The following PATL1 variants were observed in gnomAD, a reference collection of about 807,000 sequenced individuals.
PATL1 encodes the protein protein PAT1 homolog 1.
In PATL1, 32 loss-of-function variants were observed where a neutral mutation model predicts 100.6. That is an observed-to-expected ratio of 0.32 (90% CI 0.24 to 0.43). PATL1 has a LOEUF of 0.43. Among genes scored for constraint, PATL1 ranks in the 20% least tolerant of loss-of-function variants. PATL1 has a pLI of 1.00. For missense variants in PATL1, 747 were observed against 949.9 expected (o/e 0.79, Z 2.81); for synonymous variants, 332 against 330.0 (o/e 1.01, Z -0.07).
chr11:59,650,661 TTGAC>T (rs1861430173), intron 13 of PATL1, 89 bp downstream of exon 13: 3 of 853,122 alleles, frequency 3.5e-6, no homozygotes, highest in African/African-American at 1.7e-5. Flanking sequence ...CCAAAGAACA[TTGAC>T]TGATTGCTCA....
chr11:59,667,219 T>C (rs1296120675), intron 1 of PATL1: 1 of 470,216 alleles, frequency 2.1e-6, no homozygotes, highest in Admixed American at 6.4e-5. Context: ...TTCTCTATTT[T>C]ATCAAGAATC....
At chr11:59,662,552 TG>T (rs1861640354) in intron 2 of PATL1, among the ~76,000 whole-genome samples, 1 of 152,176 alleles carries the variant, frequency 6.6e-6, no homozygotes, top group Non-Finnish European at 1.5e-5. Flanking sequence ...TAAAGAATAA[TG>T]TAATTAAAAA....
intron 4 of PATL1, 62 bp from the exon 5 acceptor site, chr11:59,657,786 C>T: frequency 8.0e-7 from 1 of 1,256,928 alleles, no homozygotes; most frequent in Non-Finnish European, 1.1e-6. Context: ...TTAGTAATCT[C>T]TACAGATGCC....
In PATL1 at chr11:59,637,226, T is replaced by A. The variant is rs1861206171; in HGVS notation, c.*1164A>T. 6.6e-6 allele frequency: 1 copy of A among 152,242 alleles called. No individual in the cohort carries two copies. The allele number at this position is 152,242 out of a possible 1,614,324, so 9.4% of individuals were successfully genotyped here. A position where few individuals can be genotyped will look rare whatever the true frequency, so the allele number is the denominator to read the frequency against. On this transcript the variant is annotated 3_prime_UTR_variant, in exon 19 of 19. Coordinates refer to ENST00000300146, the MANE Select transcript of PATL1 (RefSeq NM_152716.3). Reference sequence around the variant, plus strand: ...CTCCTTAGTCTGGTTGATTGCTGAATGGGAGAGGAGTAAGTGAGAAAGATC... The same window carrying A: ...CTCCTTAGTCTGGTTGATTGCTGAAAGGGAGAGGAGTAAGTGAGAAAGATC...
chr11:59,653,066 C>T, intron 9 of PATL1, 48 bp from the exon 10 acceptor site: 4 of 1,457,802 alleles, frequency 2.7e-6, no homozygotes, highest in South Asian at 2.8e-5. Flanking sequence ...ATTAATTACG[C>T]TTTTTAACAA....
chr11:59,656,672 C>T (rs1861540442), intron 5 of PATL1, 72 bp from the exon 6 acceptor site: 2 of 1,310,314 alleles, frequency 1.5e-6, no homozygotes, highest in African/African-American at 1.4e-5. Context: ...TCCCTCCCCT[C>T]AAGTACTGGT....
chr11:59,643,864 C>T (rs771482554), intron 15 of PATL1, among the ~76,000 whole-genome samples: 1 of 152,150 alleles, frequency 6.6e-6, no homozygotes, highest in Non-Finnish European at 1.5e-5. Flanking sequence ...GAACCCAAGG[C>T]TGTTGAATTC....
At chr11:59,653,892 A>C (rs1311164300) in intron 9 of PATL1, 91 bp downstream of exon 9, 1 of 1,206,674 alleles carries the variant, frequency 8.3e-7, no homozygotes, top group East Asian at 2.4e-5. Context: ...AAACTTACTA[A>C]AAAAAACAAA....
chr11:59,651,752 T>C (rs1033214398), intron 11 of PATL1, 111 bp from the exon 12 acceptor site: 2 of 700,266 alleles, frequency 2.9e-6, no homozygotes, highest in African/African-American at 3.6e-5. Flanking sequence ...CATAGTCTAA[T>C]AACTTACTGC....
rs375272798 is a variant in PATL1 at position 59,657,679 on chromosome 11, G to T, written c.472C>A (p.Pro158Thr). ...CGATCATCTTCTGGACCCTGGGGGG[G>T]CCTCTGAGGCAAAGCATATTCTAAT... Reference protein sequence around the residue: ...SVLEYALPQRPPQGPEDDRDL... With the variant: ...SVLEYALPQRTPQGPEDDRDL... Residue 158 changes from proline to threonine, a missense_variant, in exon 5 of 19, where the codon CCC (proline) becomes ACC (threonine). Pro to Thr is a conservative substitution (Grantham distance 38). This residue lies in a region of PATL1 where 183 missense variants were observed against 221.2 expected (regional missense o/e 0.83). Transcript: ENST00000300146. The T allele has an allele frequency of 6.2e-6, 10 of 1,613,534 alleles. No homozygotes were observed. The highest frequency in any genetic ancestry group is 8.5e-6 in the Non-Finnish European group (10 of 1,179,714).
Position 59,659,488 on chromosome 11 carries a change from C to G in PATL1, c.128-19G>C. The G allele has an allele frequency of 6.5e-7, 1 of 1,544,348 alleles. No homozygotes were observed. Among genetic ancestry groups the G allele is most frequent in the Non-Finnish European group, 8.7e-7 (1 of 1,144,858 alleles). On this transcript the variant is annotated intron_variant, in intron 2 of 18. Coordinates refer to ENST00000300146, the MANE Select transcript of PATL1 (RefSeq NM_152716.3). The stretch of plus-strand genomic sequence containing the variant: ...TCATCATCTATAAGATGACACAGTT[C>G]ATGTAAGAAATAGTTCATAGTGGTA...
chr11:59,658,799 G>T, intron 4 of PATL1, 67 bp downstream of exon 4: 1 of 1,227,968 alleles, frequency 8.1e-7, no homozygotes, highest in Non-Finnish European at 1.1e-6. Flanking sequence ...AGTAAGGAAA[G>T]GATGACGACA....
At position 59,656,572 on chromosome 11, in the gene PATL1, C is replaced by T. The variant is rs771386815; in HGVS notation, c.650G>A (p.Arg217Gln). The T allele has an allele frequency of 2.5e-5, 40 of 1,613,708 alleles. No homozygotes were observed. Among genetic ancestry groups the T allele is most frequent in the Admixed American group, 3.3e-5 (2 of 59,970 alleles). Residue 217 changes from arginine to glutamine, a missense_variant, in exon 6 of 19, where the codon CGG becomes CAG. By Grantham distance (43) the Arg-to-Gln change is conservative. Coordinates refer to ENST00000300146, the MANE Select transcript of PATL1 (RefSeq NM_152716.3). ...AGGATAACGAGGTGGCATTGGGGGCCGAACATGGACAGGCTTCGGACACAG... is the reference window on the plus strand; with the variant it reads ...AGGATAACGAGGTGGCATTGGGGGCTGAACATGGACAGGCTTCGGACACAG... Reference protein sequence around the residue: ...QILCPKPVHVRPPMPPRYPAP... With the variant: ...QILCPKPVHVQPPMPPRYPAP...
chr11:59,667,488 T>C (rs1451775759), intron 1 of PATL1, among the ~76,000 whole-genome samples: 3 of 152,206 alleles, frequency 2.0e-5, no homozygotes, highest in Admixed American at 6.5e-5. Context: ...AACAGAAAAT[T>C]AGGTCTTCAA....
At chr11:59,666,246 G>A (rs1275597188) in intron 2 of PATL1, among the ~76,000 whole-genome samples, 3 of 150,194 alleles carry the variant, frequency 2.0e-5, no homozygotes, top group South Asian at 2.1e-4. Context: ...ACTTCATCTC[G>A]AAAAAGAATA....
intron 13 of PATL1, 56 bp downstream of exon 13, chr11:59,650,698 A>C: frequency 7.9e-7 from 1 of 1,264,724 alleles, no homozygotes; most frequent in Non-Finnish European, 1.1e-6. Context: ...TAGTATATAC[A>C]TACATTTGAC....
chr11:59,652,957 G>A lies in PATL1; in HGVS notation c.1183C>T (p.His395Tyr), dbSNP rs1390213708. The A allele has an allele frequency of 1.2e-6, 2 of 1,613,854 alleles. No homozygotes were observed. The highest frequency in any genetic ancestry group is 1.3e-5 in the African/African-American group (1 of 74,922). ...TTGGCATATGGATCCTTTCGGAGAT[G>A]ATCTTGATGACTGCTCCGGTGACTT... ...RGSHRSSHQDHLRKDPYANLM... is the reference protein window; with the variant it reads ...RGSHRSSHQDYLRKDPYANLM... The change falls in exon 10 of 19, where the codon CAT becomes TAT. Residue 395 changes from histidine to tyrosine, a missense_variant. Physicochemically the swap from His to Tyr is moderately conservative, Grantham distance 83. Around this residue, in one of 4 missense-constraint regions of PATL1, gnomAD observed 434 missense variants for 596.1 expected, o/e 0.73. Transcript: ENST00000300146.
At chr11:59,661,999 CTATT>C (rs1173937030) in intron 2 of PATL1, among the ~76,000 whole-genome samples, 5 of 152,104 alleles carry the variant, frequency 3.3e-5, no homozygotes, top group Middle Eastern at 3.2e-3. Context: ...TTTTATGTGA[CTATT>C]TAAATAAACT....
chr11:59,639,130 T>C lies in PATL1; in HGVS notation c.2209A>G (p.Ile737Val), dbSNP rs1861235738. 1 of 1,614,034 alleles carries C rather than the reference T, an allele frequency of 6.2e-7. No homozygotes were observed. The highest frequency in any genetic ancestry group is 8.5e-7 in the Non-Finnish European group (1 of 1,179,892). The stretch of plus-strand genomic sequence containing the variant: ...GACACTAGGTTTGTAGGTATAGAGA[T>C]TGGCTTGGCCAGGGCTGCTTGGGGA... The part of the protein sequence containing the change: ...RIPQAALAKP[I>V]SIPTNLVSLF... Residue 737 changes from isoleucine to valine, a missense_variant, in exon 18 of 19, where the codon ATC becomes GTC. Coordinates refer to ENST00000300146, the MANE Select transcript of PATL1 (RefSeq NM_152716.3).
Sources: gnomAD v4.1 joint callset for allele counts (sites outside exome capture counted in the v4.1 genomes callset) on GRCh38, gnomAD v4.1.1 for gene constraint, gnomAD v4.1.1 regional missense constraint, MANE v1.5 for transcripts, NCBI Gene and HGNC (gene_info 2026-07-23, HGNC 2026-07-21) for gene names.